The following CASQ2 variants were observed in gnomAD, a reference collection of about 807,000 sequenced individuals.
The protein encoded by CASQ2 is calsequestrin-2.
A neutral mutation model predicts 46.5 loss-of-function variants in CASQ2; 49 were observed. That is an observed-to-expected ratio of 1.05 (90% CI 0.84 to 1.34). CASQ2 has a LOEUF of 1.34. Ranked by LOEUF, CASQ2 falls within the 40% of genes most tolerant of loss-of-function variation. CASQ2 has a pLI of 0.00. For synonymous variants in CASQ2, 174 were observed against 168.5 expected (o/e 1.03, Z -0.25); for missense variants, 486 against 481.3 (o/e 1.01, Z -0.09).
intron 9 of CASQ2, among the ~76,000 whole-genome samples, chr1:115,703,221 G>T (rs984521110): frequency 2.0e-5 from 3 of 152,236 alleles, no homozygotes; most frequent in African/African-American, 7.2e-5. Context: ...GTCTGCAGCT[G>T]TAAGAGAGAA....
At chr1:115,739,223 T>G (rs1295517930) in intron 3 of CASQ2, among the ~76,000 whole-genome samples, 3 of 147,282 alleles carry the variant, frequency 2.0e-5, no homozygotes, top group African/African-American at 7.3e-5. Context: ...GCCATTCTCC[T>G]GCCTTAGCCT....
At chr1:115,718,301 A>G (rs1647244689) in intron 7 of CASQ2, among the ~76,000 whole-genome samples, 1 of 152,214 alleles carries the variant, frequency 6.6e-6, no homozygotes, top group Non-Finnish European at 1.5e-5. Context: ...AGCTCAGTAA[A>G]AGCAGCTGTC....
intron 8 of CASQ2, among the ~76,000 whole-genome samples, chr1:115,715,222 T>C (rs531736312): frequency 1.3e-5 from 2 of 152,162 alleles, no homozygotes; most frequent in Admixed American, 6.5e-5. Context: ...CAGGGAAGAG[T>C]GGTGGCCGGA....
chr1:115,734,197 G>A (rs1271252719), intron 4 of CASQ2, among the ~76,000 whole-genome samples: 1 of 152,248 alleles, frequency 6.6e-6, no homozygotes, highest in Non-Finnish European at 1.5e-5. Context: ...GTGGAGGGGA[G>A]AAGTTGGCTG....
chr1:115,723,261 T>G (rs1052221266), intron 7 of CASQ2, among the ~76,000 whole-genome samples: 1 of 121,858 alleles, frequency 8.2e-6, no homozygotes, highest in Non-Finnish European at 1.8e-5. Context: ...TCTATATCTA[T>G]CTATCTATCT....
At chr1:115,716,917 GA>G (rs1163336402) in intron 8 of CASQ2, among the ~76,000 whole-genome samples, 1 of 152,196 alleles carries the variant, frequency 6.6e-6, no homozygotes, top group Non-Finnish European at 1.5e-5. Flanking sequence ...ATCTCCTGTT[GA>G]AATGTAATCC....
Position 115,725,510 on chromosome 1 carries a change from A to C in CASQ2, c.781T>G (p.Trp261Gly). 1 of 1,591,528 alleles carries C rather than the reference A, an allele frequency of 6.3e-7. No homozygotes were observed. The highest frequency in any genetic ancestry group is 8.5e-7 in the Non-Finnish European group (1 of 1,170,886). The change falls in exon 7 of 11, where the codon TGG becomes GGG. Residue 261 changes from tryptophan to glycine, a missense_variant and splice_region_variant. Transcript: ENST00000261448. ...RLRPEEMFET[W>G]EDDLNGIHIV... The stretch of plus-strand genomic sequence containing the variant: ...AAGAGAGTTTGCCTCTTTCTTACCC[A>C]TGTTTCAAACATTTCTTCTGGGCGC...
intron 1 of CASQ2, among the ~76,000 whole-genome samples, chr1:115,761,464 G>C (rs57062689): frequency 1.8e-4 from 1 of 5,644 alleles, no homozygotes. Context: ...GAAGAAGAAG[G>C]AGAAGAAGAA....
At chr1:115,729,776 A>T (rs1647725732) in intron 5 of CASQ2, among the ~76,000 whole-genome samples, 1 of 152,232 alleles carries the variant, frequency 6.6e-6, no homozygotes, top group African/African-American at 2.4e-5. Flanking sequence ...TTTTGCCAAA[A>T]GTAATGGTTT....
Position 115,727,041 on chromosome 1 carries a change from T to C in CASQ2, c.688A>G (p.Lys230Glu). 1 of 1,613,872 alleles carries C rather than the reference T, an allele frequency of 6.2e-7. No homozygotes were observed. Among genetic ancestry groups the C allele is most frequent in the Non-Finnish European group, 8.5e-7 (1 of 1,179,802 alleles). The change falls in exon 6 of 11, where the codon AAA (lysine) becomes GAA (glutamate). Residue 230 changes from lysine (K) to glutamate (E), a missense_variant. Transcript: ENST00000261448. ...ACCAGCTCCTCTTCTGTGTAAGGTT[T>C]GTTGGGGATGGCAATGGGCTCATCC... ...FMDEPIAIPNKPYTEEELVEF... is the reference protein window; with the variant it reads ...FMDEPIAIPNEPYTEEELVEF...
intron 1 of CASQ2, among the ~76,000 whole-genome samples, chr1:115,759,620 TAGAC>T (rs1291158201): frequency 1.3e-5 from 2 of 152,208 alleles, no homozygotes; most frequent in Non-Finnish European, 2.9e-5. Flanking sequence ...TAAGCAGACT[TAGAC>T]AGTAAGTAAG....
chr1:115,729,433 T>C (rs1647714109), intron 5 of CASQ2, among the ~76,000 whole-genome samples: 1 of 152,218 alleles, frequency 6.6e-6, no homozygotes. Flanking sequence ...ATTCATTCAT[T>C]TATTCAGTAA....
At position 115,701,477 on chromosome 1, in the gene CASQ2, C is replaced by A. The variant is rs752492591; in HGVS notation, c.1015-51G>T. The A allele has an allele frequency of 3.3e-6, 4 of 1,209,026 alleles. No homozygotes were observed. In the South Asian group the frequency reaches 3.7e-5, roughly 11 times the overall value. The allele number at this position is 1,209,026 out of a possible 1,614,324, so 74.9% of individuals were successfully genotyped here. On this transcript the variant is annotated intron_variant, in intron 10 of 10. Transcript: ENST00000261448. ...GTGGGTAAATGCATGAGGGCTGAAC[C>A]AGACCAGGGATAGCCGTGCTGAATA...
chr1:115,738,551 C>G (rs1297493112), intron 3 of CASQ2, among the ~76,000 whole-genome samples: 1 of 152,130 alleles, frequency 6.6e-6, no homozygotes, highest in Non-Finnish European at 1.5e-5. Flanking sequence ...TGGGGGCAAC[C>G]TATTCCTTTT....
At chr1:115,717,696 C>G (rs1647215992) in intron 8 of CASQ2, 144 bp downstream of exon 8, 1 of 761,572 alleles carries the variant, frequency 1.3e-6, no homozygotes, top group South Asian at 1.4e-5. Context: ...CGAACTCATA[C>G]TTAATGGGCG....
rs549531943 is a variant in CASQ2 at position 115,711,595 on chromosome 1, T to TTG, written c.838+6244_838+6245insCA. ...ATCAAACTCTTACTCATTTTAAGAT[T>TTG]TTTTTTTTTTTCACTACTTTGATCC... On this transcript the variant is annotated intron_variant, in intron 8 of 10. Transcript: ENST00000261448. Among the ~76,000 whole-genome samples, 24 of 140,728 alleles carry TTG rather than the reference T, an allele frequency of 1.7e-4. No individual in the cohort carries two copies. The South Asian group carries it at 2.3e-3, about 14-fold the overall frequency. The allele number at this position is 140,728 out of a possible 152,430, so 92.3% of individuals were successfully genotyped here. A position where few individuals can be genotyped will look rare whatever the true frequency, so the allele number is the denominator to read the frequency against.
At chr1:115,753,170 C>T (rs1047964146) in intron 1 of CASQ2, among the ~76,000 whole-genome samples, 1 of 152,290 alleles carries the variant, frequency 6.6e-6, no homozygotes, top group East Asian at 1.9e-4. Context: ...CCCGGAGGTG[C>T]TGATCTAGGG....
intron 1 of CASQ2, among the ~76,000 whole-genome samples, chr1:115,749,035 A>G (rs1648484163): frequency 6.6e-6 from 1 of 152,214 alleles, no homozygotes; most frequent in African/African-American, 2.4e-5. Flanking sequence ...AATACAGCAG[A>G]TCTCAAGACA....
chr1:115,744,759 C>T (rs989944078), intron 2 of CASQ2, 69 bp downstream of exon 2: 1 of 996,198 alleles, frequency 1.0e-6, no homozygotes, highest in African/African-American at 1.6e-5. Context: ...ATAATTGCAA[C>T]TGTACTTTTC....
Sources: allele counts gnomAD v4.1 joint callset (sites outside exome capture counted in the v4.1 genomes callset), GRCh38; gene constraint gnomAD v4.1.1; transcripts MANE v1.5; gene names NCBI Gene and HGNC (gene_info 2026-07-23, HGNC 2026-07-21).